Variants in PGCKA1 observed in about 807,000 individuals in gnomAD.
PGCKA1 encodes PDCD10 and GCKIII kinases-associated protein 1.
the PGCKA1 span, among the ~76,000 whole-genome samples, chr4:37,498,133 G>A: frequency 1.3e-3 from 198 of 152,254 alleles, 2 homozygotes; most frequent in African/African-American, 4.5e-3. Context: ...CATGTGGCTA[G>A]CCAATTATCC....
At chr4:37,554,022 C>T in the PGCKA1 span, among the ~76,000 whole-genome samples, 1 of 152,186 alleles carries the variant, frequency 6.6e-6, no homozygotes, top group African/African-American at 2.4e-5. Context: ...TGAATTGTAG[C>T]TACCATAATC....
At chr4:37,471,277 G>A in the PGCKA1 span, among the ~76,000 whole-genome samples, 1 of 152,140 alleles carries the variant, frequency 6.6e-6, no homozygotes, top group Non-Finnish European at 1.5e-5. Flanking sequence ...GTTGAGTATG[G>A]TCTGGTCAGT....
the PGCKA1 span, among the ~76,000 whole-genome samples, chr4:37,488,889 CA>C: frequency 1.3e-5 from 2 of 152,156 alleles, no homozygotes; most frequent in African/African-American, 4.8e-5. Context: ...AACACAGGTT[CA>C]AATGCATGGG....
At chr4:37,547,345 C>A in the PGCKA1 span, among the ~76,000 whole-genome samples, 1 of 152,160 alleles carries the variant, frequency 6.6e-6, no homozygotes, top group East Asian at 1.9e-4. Flanking sequence ...GTGTGAACTG[C>A]AAAAGTGTGT....
At chr4:37,468,122 C>T in the PGCKA1 span, among the ~76,000 whole-genome samples, 2 of 152,276 alleles carry the variant, frequency 1.3e-5, no homozygotes, top group East Asian at 3.9e-4. Flanking sequence ...ATGGCATGGC[C>T]GTTCAACTTT....
the PGCKA1 span, among the ~76,000 whole-genome samples, chr4:37,456,562 A>G: frequency 6.6e-6 from 1 of 152,338 alleles, no homozygotes; most frequent in African/African-American, 2.4e-5. Context: ...ATCTCACTCA[A>G]ACTTTATCAG....
the PGCKA1 span, among the ~76,000 whole-genome samples, chr4:37,572,198 G>A: frequency 1.3e-5 from 2 of 150,032 alleles, no homozygotes; most frequent in Non-Finnish European, 3.0e-5. Context: ...AAGTAGCTGG[G>A]ACTACAGGCG....
At chr4:37,537,811 T>G in the PGCKA1 span, among the ~76,000 whole-genome samples, 1 of 152,218 alleles carries the variant, frequency 6.6e-6, no homozygotes, top group Non-Finnish European at 1.5e-5. Context: ...CTCCAAAATA[T>G]ATTAGTTGTG....
chr4:37,524,253 T>C, the PGCKA1 span, among the ~76,000 whole-genome samples: 88,911 of 152,124 alleles, frequency 0.58, 26,510 homozygotes, highest in South Asian at 0.68. Flanking sequence ...CAATAGTAAA[T>C]ATGTATCAGC....
At chr4:37,464,319 G>C in the PGCKA1 span, among the ~76,000 whole-genome samples, 2 of 152,176 alleles carry the variant, frequency 1.3e-5, no homozygotes, top group African/African-American at 4.8e-5. Context: ...TTTTGGCTCT[G>C]CCATTTGTTG....
chr4:37,547,706 C>A, the PGCKA1 span, among the ~76,000 whole-genome samples: 2 of 151,880 alleles, frequency 1.3e-5, no homozygotes, highest in Non-Finnish European at 2.9e-5. Context: ...CCTTCCCCAC[C>A]CAACAGTAGT....
At chr4:37,453,398 T>TC in the PGCKA1 span, among the ~76,000 whole-genome samples, 3 of 152,058 alleles carry the variant, frequency 2.0e-5, no homozygotes, top group Non-Finnish European at 4.4e-5. Flanking sequence ...GTGTGCAACT[T>TC]CCCTGGTTTT....
At chr4:37,566,012 A>G in the PGCKA1 span, among the ~76,000 whole-genome samples, 6 of 152,124 alleles carry the variant, frequency 3.9e-5, no homozygotes, top group African/African-American at 1.4e-4. Flanking sequence ...CACGTTCTTC[A>G]GTTTTGGGAC....
the PGCKA1 span, among the ~76,000 whole-genome samples, chr4:37,457,619 C>T: frequency 7.2e-5 from 11 of 152,122 alleles, no homozygotes; most frequent in South Asian, 2.1e-4. Flanking sequence ...TGGTTATTAA[C>T]GTGCAATAAA....
chr4:37,544,857 TG>T, the PGCKA1 span, among the ~76,000 whole-genome samples: 1 of 151,938 alleles, frequency 6.6e-6, no homozygotes, highest in African/African-American at 2.4e-5. Context: ...TTCTGTTTTT[TG>T]TTTTTTTGTT....
At chr4:37,571,977 T>C in the PGCKA1 span, among the ~76,000 whole-genome samples, 1 of 151,188 alleles carries the variant, frequency 6.6e-6, no homozygotes, top group East Asian at 2.0e-4. Flanking sequence ...AGGTGTCAAG[T>C]CCCAGCCCAG....
the PGCKA1 span, among the ~76,000 whole-genome samples, chr4:37,555,495 C>T: frequency 6.6e-6 from 1 of 152,168 alleles, no homozygotes; most frequent in African/African-American, 2.4e-5. Flanking sequence ...GTTTGTTTAT[C>T]TTTCCGAAAA....
At chr4:37,527,104 A>AT in the PGCKA1 span, among the ~76,000 whole-genome samples, 44,061 of 151,754 alleles carry the variant, frequency 0.29, 7,311 homozygotes, top group African/African-American at 0.43. Context: ...AATTAAAAAA[A>AT]ATTAATTAAA....
chr4:37,525,154 G>A, the PGCKA1 span, among the ~76,000 whole-genome samples: 3 of 152,280 alleles, frequency 2.0e-5, no homozygotes, highest in Non-Finnish European at 4.4e-5. Flanking sequence ...TGCAGAGGAG[G>A]AGAACTGAAA....
Sources: gnomAD v4.1 joint callset for allele counts (sites outside exome capture counted in the v4.1 genomes callset) on GRCh38, gnomAD v4.1.1 for gene constraint, MANE v1.5 for transcripts, NCBI Gene and HGNC (gene_info 2026-07-23, HGNC 2026-07-21) for gene names.